NPHP1: variants seen among roughly 807,000 people sequenced by gnomAD.
The protein encoded by NPHP1 is nephrocystin-1.
A neutral mutation model predicts 90.4 loss-of-function variants in NPHP1; 70 were observed. The observed-to-expected ratio is 0.77, with a 90% CI of 0.64 to 0.95. The LOEUF (loss-of-function observed/expected upper bound fraction) is 0.95, where lower values mean the gene tolerates loss of function less well. Among genes scored for constraint, NPHP1 ranks in the 40% least tolerant of loss-of-function variants. The pLI is 0.00. For missense variants in NPHP1, 764 were observed against 795.9 expected (o/e 0.96, Z 0.48); for synonymous variants, 256 against 271.7 (o/e 0.94, Z 0.57).
At chr2:110,188,213 A>G (rs181555041) in intron 2 of NPHP1, among the ~76,000 whole-genome samples, 3 of 152,258 alleles carry the variant, frequency 2.0e-5, no homozygotes, top group Non-Finnish European at 2.9e-5. Context: ...ATAGGAAGAG[A>G]GGAACTCAAA....
chr2:110,187,763 C>T (rs983637959), intron 2 of NPHP1, among the ~76,000 whole-genome samples: 3 of 152,170 alleles, frequency 2.0e-5, no homozygotes, highest in East Asian at 1.9e-4. Context: ...TACAAAAATC[C>T]GCAACAAAAT....
chr2:110,203,812 T>G (rs892938966), intron 1 of NPHP1, among the ~76,000 whole-genome samples: 1 of 152,026 alleles, frequency 6.6e-6, no homozygotes, highest in Non-Finnish European at 1.5e-5. Context: ...AAGTTTTTTT[T>G]TTTTTGAGAC....
chr2:110,183,121 A>G (rs1684025574), intron 2 of NPHP1, among the ~76,000 whole-genome samples: 1 of 152,190 alleles, frequency 6.6e-6, no homozygotes, highest in African/African-American at 2.4e-5. Flanking sequence ...ACCCAAAAAA[A>G]GAGCACCCAT....
chr2:110,137,678 G>A (rs1427665259), intron 16 of NPHP1, among the ~76,000 whole-genome samples: 1 of 152,048 alleles, frequency 6.6e-6, no homozygotes, highest in African/African-American at 2.4e-5. Context: ...GGAAACAACA[G>A]GTGCTGGAGA....
Position 110,184,285 on chromosome 2 carries a change from A to T in NPHP1, c.144-4601T>A, listed in dbSNP as rs767029053. 34 of 597,492 alleles carry T rather than the reference A, an allele frequency of 5.7e-5. No homozygotes were observed. The Admixed American group carries it at 6.2e-4, about 11-fold the overall frequency. 37.0% of individuals were successfully genotyped at this position (597,492 alleles called of 1,614,324 possible). On this transcript the variant is annotated intron_variant, in intron 2 of 19. Coordinates refer to ENST00000445609, the MANE Select transcript of NPHP1 (RefSeq NM_001128178.3). ...CTCTCAATCTGCTATCTCACGGAGCATGGCATTGTCAAGGACTGGAACGAC... is the reference window on the plus strand; with the variant it reads ...CTCTCAATCTGCTATCTCACGGAGCTTGGCATTGTCAAGGACTGGAACGAC...
intron 16 of NPHP1, among the ~76,000 whole-genome samples, chr2:110,140,011 A>C (rs1400948956): frequency 1.3e-5 from 2 of 152,000 alleles, no homozygotes; most frequent in Non-Finnish European, 2.9e-5. Flanking sequence ...CCTTGAACCC[A>C]CAGCACAGCC....
chr2:110,154,337 A>G (rs1559066554), intron 11 of NPHP1, among the ~76,000 whole-genome samples: 1 of 152,162 alleles, frequency 6.6e-6, no homozygotes, highest in Non-Finnish European at 1.5e-5. Context: ...GCCCAGTCTC[A>G]GGTATGTCTT....
intron 19 of NPHP1, 86 bp from the exon 20 acceptor site, chr2:110,124,149 A>G: frequency 6.7e-7 from 1 of 1,502,142 alleles, no homozygotes; most frequent in Non-Finnish European, 9.2e-7. Context: ...GCCACCTAAG[A>G]GGTAGGATGG....
intron 1 of NPHP1, among the ~76,000 whole-genome samples, chr2:110,203,946 T>C (rs537720817): frequency 3.3e-5 from 5 of 152,028 alleles, no homozygotes; most frequent in African/African-American, 4.8e-5. Context: ...AAAATTTTTA[T>C]AAATATGAAA....
chr2:110,156,923 C>T (rs373015479), intron 11 of NPHP1, among the ~76,000 whole-genome samples: 3 of 152,094 alleles, frequency 2.0e-5, no homozygotes, highest in African/African-American at 4.8e-5. Context: ...ACTACAGGCA[C>T]ACGCCACCAC....
At chr2:110,177,438 C>A (rs1683578851) in intron 4 of NPHP1, among the ~76,000 whole-genome samples, 1 of 152,138 alleles carries the variant, frequency 6.6e-6, no homozygotes, top group African/African-American at 2.4e-5. Flanking sequence ...GGTTGGGTAT[C>A]CCTAATCAGA....
intron 1 of NPHP1, chr2:110,202,382 G>A (rs779667879): frequency 4.5e-6 from 2 of 447,834 alleles, no homozygotes; most frequent in South Asian, 1.6e-5. Flanking sequence ...CCTAGTGATA[G>A]AGCCAGTCAT....
intron 2 of NPHP1, among the ~76,000 whole-genome samples, chr2:110,195,529 TC>T (rs938421402): frequency 2.0e-5 from 3 of 152,074 alleles, no homozygotes; most frequent in African/African-American, 7.2e-5. Context: ...GGAAGAACAT[TC>T]CATGCTCATG....
intron 2 of NPHP1, among the ~76,000 whole-genome samples, chr2:110,182,165 G>T (rs1683951712): frequency 6.6e-6 from 1 of 151,976 alleles, no homozygotes; most frequent in Non-Finnish European, 1.5e-5. Flanking sequence ...ACTTATTGGG[G>T]TACCTAAAAA....
intron 1 of NPHP1, chr2:110,202,420 A>C (rs1250502911): frequency 6.6e-6 from 3 of 454,420 alleles, no homozygotes; most frequent in Non-Finnish European, 1.3e-5. Flanking sequence ...GGGGCTGTTG[A>C]TTACTTGTCC....
chr2:110,136,418 A>G (rs75593525), intron 16 of NPHP1, among the ~76,000 whole-genome samples: 44,959 of 151,954 alleles, frequency 0.3, 7,478 homozygotes, highest in East Asian at 0.57. Flanking sequence ...GTATATCTAG[A>G]AAACCCCATT....
At chr2:110,182,693 T>C (rs1197499197) in intron 2 of NPHP1, among the ~76,000 whole-genome samples, 1 of 152,032 alleles carries the variant, frequency 6.6e-6, no homozygotes, top group Non-Finnish European at 1.5e-5. Flanking sequence ...AAAAACACAC[T>C]GAAGTACACA....
intron 12 of NPHP1, 129 bp from the exon 13 acceptor site, chr2:110,148,155 G>C (rs1681205974): frequency 1.4e-6 from 1 of 720,064 alleles, no homozygotes; most frequent in African/African-American, 1.7e-5. Context: ...GGTGAGGCCT[G>C]GTGGGAGGTG....
In NPHP1 at chr2:110,201,472, C is replaced by G. The variant is rs1685573691; in HGVS notation, c.92G>C (p.Ser31Thr). The change falls in exon 2 of 20, where the codon AGC (serine) becomes ACC (threonine). Residue 31 changes from serine (S) to threonine (T), a missense_variant. Transcript: ENST00000445609. ...GGGTTCTAGAGCTTCTTTCAGTTGGCTCTCAGAAAGCAAACTATCAACCTA... is the reference window on the plus strand; with the variant it reads ...GGGTTCTAGAGCTTCTTTCAGTTGGGTCTCAGAAAGCAAACTATCAACCTA... ...KQQVDSLLSE[S>T]QLKEALEPNK... The G allele has an allele frequency of 6.2e-7, 1 of 1,610,148 alleles. No homozygotes were observed. Among genetic ancestry groups the G allele is most frequent in the African/African-American group, 1.3e-5 (1 of 74,862 alleles).
Sources: allele counts gnomAD v4.1 joint callset (sites outside exome capture counted in the v4.1 genomes callset), GRCh38; gene constraint gnomAD v4.1.1; transcripts MANE v1.5; gene names NCBI Gene and HGNC (gene_info 2026-07-23, HGNC 2026-07-21).